CEP135: variants seen among roughly 807,000 people sequenced by gnomAD.
CEP135 encodes centrosomal protein 135, also known as centrosomal protein of 135 kDa.
A neutral mutation model predicts 157.3 loss-of-function variants in CEP135; 142 were observed. That is an observed-to-expected ratio of 0.90 (90% CI 0.79 to 1.04). The LOEUF (loss-of-function observed/expected upper bound fraction) is 1.04. Among genes scored for constraint, CEP135 ranks in the 50% least tolerant of loss-of-function variants. CEP135 has a pLI of 0.00. For synonymous variants in CEP135, 396 were observed against 439.8 expected, an observed-to-expected ratio of 0.90 and a Z score of 1.25; for missense variants, 1,317 against 1,309.2, an observed-to-expected ratio of 1.01 and a Z score of -0.09.
At chr4:56,019,077 ATGACCGTCTCT>A (rs1346440878) in intron 22 of CEP135, among the ~76,000 whole-genome samples, 21 of 152,188 alleles carry the variant, frequency 1.4e-4, no homozygotes, top group Admixed American at 7.9e-4. Flanking sequence ...TTTTATCTTA[ATGACCGTCTCT>A]TGATAAGGTA....
intron 13 of CEP135, among the ~76,000 whole-genome samples, chr4:55,984,001 C>T (rs1403653505): frequency 6.6e-6 from 1 of 152,212 alleles, no homozygotes; most frequent in Non-Finnish European, 1.5e-5. Flanking sequence ...CTGTTCTGGT[C>T]ATTGTTCTCC....
Position 55,953,304 on chromosome 4 carries a change from T to C in CEP135, c.304+29T>C, listed in dbSNP as rs192384583. On this transcript the variant is annotated intron_variant, in intron 3 of 25. Transcript: ENST00000257287. ...AGTGAAAATTTGATAATTTTTAAAA[T>C]GCAATGTCTTTGTCCTTTTTATTTT... 141 of 1,414,426 alleles carry C rather than the reference T, an allele frequency of 1.0e-4. 1 individual carries two copies. The East Asian group carries it at 3.4e-3, about 35-fold the overall frequency. The allele number at this position is 1,414,426 out of a possible 1,614,324, so 87.6% of individuals were successfully genotyped here. A position where few individuals can be genotyped will look rare whatever the true frequency, so the allele number is the denominator to read the frequency against.
chr4:55,986,635 A>C (rs1729597547), intron 14 of CEP135, among the ~76,000 whole-genome samples: 1 of 152,198 alleles, frequency 6.6e-6, no homozygotes, highest in East Asian at 1.9e-4. Context: ...GATTTTTAAC[A>C]ATTTGGTATG....
At chr4:55,996,431 T>C (rs1350288722) in intron 15 of CEP135, among the ~76,000 whole-genome samples, 1 of 152,162 alleles carries the variant, frequency 6.6e-6, no homozygotes, top group Non-Finnish European at 1.5e-5. Context: ...TTCTGGGCAT[T>C]CCTAACATTT....
At position 55,981,369 on chromosome 4, in the gene CEP135, A is replaced by G. The variant is rs752503698; in HGVS notation, c.1769A>G (p.Glu590Gly). The change falls in exon 13 of 26, where the codon GAA (glutamate) becomes GGA (glycine). Residue 590 changes from glutamate (E) to glycine (G), a missense_variant. By Grantham distance (98) the Glu-to-Gly change is moderately conservative. Coordinates refer to ENST00000257287, the MANE Select transcript of CEP135 (RefSeq NM_025009.5). ...RIMAEKEALR[E>G]KLEHIEEVSL... ...ATGGCAGAAAAGGAAGCTTTAAGAG[A>G]AAAATTAGAGGTAAGAAGATTGACA... is the stretch of plus-strand genomic sequence containing the variant. 1.9e-6 allele frequency: 3 copies of G among 1,575,692 alleles called. No homozygotes were observed. Among genetic ancestry groups the G allele is most frequent in the South Asian group, 2.4e-5 (2 of 82,930 alleles).
chr4:55,977,847 T>C (rs1729273321), intron 11 of CEP135, among the ~76,000 whole-genome samples: 1 of 152,238 alleles, frequency 6.6e-6, no homozygotes, highest in African/African-American at 2.4e-5. Context: ...TAACATCTAG[T>C]TACCGGTGAA....
At chr4:55,956,695 C>T (rs188846689) in intron 4 of CEP135, among the ~76,000 whole-genome samples, 69 of 152,216 alleles carry the variant, frequency 4.5e-4, no homozygotes, top group African/African-American at 1.4e-3. Flanking sequence ...ACCACAACCT[C>T]GGCCTCCCGG....
chr4:56,014,844 C>A (rs1375362539), intron 21 of CEP135, among the ~76,000 whole-genome samples: 3 of 151,998 alleles, frequency 2.0e-5, no homozygotes, highest in Non-Finnish European at 2.9e-5. Flanking sequence ...CAAAAAACTA[C>A]GCTCAGGAGT....
intron 11 of CEP135, among the ~76,000 whole-genome samples, chr4:55,975,855 TCAAA>T (rs1023332136): frequency 6.6e-6 from 1 of 152,216 alleles, no homozygotes; most frequent in Non-Finnish European, 1.5e-5. Flanking sequence ...GTGTCCATTG[TCAAA>T]CAGTTTTGTC....
At chr4:56,029,448 C>G (rs1372289916) in intron 25 of CEP135, among the ~76,000 whole-genome samples, 3 of 152,134 alleles carry the variant, frequency 2.0e-5, no homozygotes, top group African/African-American at 7.2e-5. Flanking sequence ...ATCTCATTAG[C>G]TTGCAAAAGA....
intron 25 of CEP135, among the ~76,000 whole-genome samples, chr4:56,027,914 ATCAC>A (rs1476926439): frequency 6.6e-6 from 1 of 152,068 alleles, no homozygotes; most frequent in Non-Finnish European, 1.5e-5. Flanking sequence ...CCATTAAACA[ATCAC>A]TCTCCAATCC....
chr4:55,977,651 T>G (rs1289711517), intron 11 of CEP135, among the ~76,000 whole-genome samples: 1 of 152,228 alleles, frequency 6.6e-6, no homozygotes, highest in African/African-American at 2.4e-5. Context: ...TTAACATGTC[T>G]GTTTCCTCAC....
chr4:55,962,579 T>G (rs1252801645), intron 6 of CEP135, among the ~76,000 whole-genome samples: 1 of 152,204 alleles, frequency 6.6e-6, no homozygotes, highest in Non-Finnish European at 1.5e-5. Context: ...GTCTAGTTAA[T>G]TACATTAGTA....
chr4:55,993,739 G>T (rs1307453544), intron 15 of CEP135, among the ~76,000 whole-genome samples: 1 of 152,178 alleles, frequency 6.6e-6, no homozygotes, highest in Non-Finnish European at 1.5e-5. Flanking sequence ...CTCACAGGAG[G>T]CTGTTTCCAG....
At chr4:56,023,688 AAT>A (rs71666105) in intron 24 of CEP135, among the ~76,000 whole-genome samples, 13,774 of 143,188 alleles carry the variant, frequency 0.096, 1,011 homozygotes, top group East Asian at 0.27. Flanking sequence ...TATATCACAT[AAT>A]ATATATATAA....
intron 17 of CEP135, among the ~76,000 whole-genome samples, chr4:56,005,254 A>AC (rs1185712437): frequency 6.6e-6 from 1 of 152,146 alleles, no homozygotes; most frequent in East Asian, 1.9e-4. Flanking sequence ...ACGTAGTGAG[A>AC]CCCCATCTCT....
intron 6 of CEP135, among the ~76,000 whole-genome samples, chr4:55,961,415 T>C (rs1728675992): frequency 6.6e-6 from 1 of 152,130 alleles, no homozygotes. Context: ...AGTTTATTCT[T>C]TCTCAGCACA....
chr4:55,996,189 A>G (rs1368847265), intron 15 of CEP135, among the ~76,000 whole-genome samples: 1 of 152,070 alleles, frequency 6.6e-6, no homozygotes, highest in East Asian at 1.9e-4. Context: ...TGGCACAATC[A>G]TGGTTCACTG....
intron 11 of CEP135, among the ~76,000 whole-genome samples, chr4:55,979,583 T>C (rs1235202029): frequency 6.6e-6 from 1 of 152,228 alleles, no homozygotes; most frequent in Non-Finnish European, 1.5e-5. Context: ...TGTGCTAGGC[T>C]GTTACAGTTA....
Sources: gnomAD v4.1 joint callset for allele counts (sites outside exome capture counted in the v4.1 genomes callset) on GRCh38, gnomAD v4.1.1 for gene constraint, MANE v1.5 for transcripts, NCBI Gene and HGNC (gene_info 2026-07-23, HGNC 2026-07-21) for gene names.